SESN1: variants seen among roughly 807,000 people sequenced by gnomAD.
SESN1 encodes the protein sestrin-1.
SESN1 carries 30 observed loss-of-function variants against 59.3 expected under a neutral mutation model. That is an observed-to-expected ratio of 0.51 (90% CI 0.38 to 0.69). The LOEUF (loss-of-function observed/expected upper bound fraction) is 0.69. SESN1 is among the 30% of genes least tolerant of loss of function. The pLI is 0.00. For missense variants in SESN1, 566 were observed against 673.0 expected (o/e 0.84, Z 1.76); for synonymous variants, 197 against 219.9 (o/e 0.90, Z 0.92).
chr6:109,070,159 A>G (rs537114005), intron 1 of SESN1, among the ~76,000 whole-genome samples: 1 of 152,320 alleles, frequency 6.6e-6, no homozygotes, highest in South Asian at 2.1e-4. Flanking sequence ...TAGGAAGTGC[A>G]AAAGAGCATT....
intron 1 of SESN1, among the ~76,000 whole-genome samples, chr6:109,033,385 T>C (rs912221605): frequency 1.3e-5 from 2 of 152,220 alleles, no homozygotes; most frequent in African/African-American, 4.8e-5. Context: ...TCTAACTTTA[T>C]ACCCAAACAA....
intron 1 of SESN1, among the ~76,000 whole-genome samples, chr6:109,053,786 G>A (rs1019827851): frequency 6.6e-6 from 1 of 152,112 alleles, no homozygotes; most frequent in Non-Finnish European, 1.5e-5. Context: ...ACGAACACTC[G>A]CTCAGTTTTG....
Position 109,092,668 on chromosome 6 carries a change from A to T in SESN1, c.279+1127T>A, listed in dbSNP as rs148326615. Among the ~76,000 whole-genome samples, 32 of 152,342 alleles carry T rather than the reference A, an allele frequency of 2.1e-4. 1 individual carries two copies. In the East Asian group the frequency reaches 6.2e-3, roughly 29 times the overall value. On this transcript the variant is annotated intron_variant, in intron 1 of 9. Coordinates refer to ENST00000436639, the MANE Select transcript of SESN1 (RefSeq NM_014454.3). ...ATGCATAATGATGACCCCATTATGGACAAAAATGGTTGTTACAGTCACTAC... is the reference window on the plus strand; with the variant it reads ...ATGCATAATGATGACCCCATTATGGTCAAAAATGGTTGTTACAGTCACTAC...
chr6:109,039,509 TCA>T (rs1780305997), intron 1 of SESN1, among the ~76,000 whole-genome samples: 2 of 152,310 alleles, frequency 1.3e-5, no homozygotes, highest in African/African-American at 4.8e-5. Flanking sequence ...AATCTGCAAA[TCA>T]CAGAGCTGTC....
chr6:109,036,798 G>T (rs1780255958), intron 1 of SESN1, among the ~76,000 whole-genome samples: 1 of 152,064 alleles, frequency 6.6e-6, no homozygotes, highest in African/African-American at 2.4e-5. Context: ...CATTAGTAGA[G>T]TATCATATGT....
chr6:108,988,145 T>C (rs2128526592), intron 9 of SESN1, among the ~76,000 whole-genome samples: 1 of 152,332 alleles, frequency 6.6e-6, no homozygotes, highest in South Asian at 2.1e-4. Context: ...ATCATGTTTC[T>C]TGGAGGTTTG....
At chr6:109,022,306 T>A (rs1780024236) in intron 1 of SESN1, among the ~76,000 whole-genome samples, 1 of 152,126 alleles carries the variant, frequency 6.6e-6, no homozygotes, top group Non-Finnish European at 1.5e-5. Context: ...ACTCAGATTT[T>A]TAATCTAAGA....
In SESN1 at chr6:108,987,561, T is replaced by C. The variant is rs1442130633; in HGVS notation, c.1639A>G (p.Thr547Ala). Residue 547 changes from threonine (T) to alanine (A), a missense_variant, in exon 10 of 10, where the codon ACC (threonine) becomes GCC (alanine). Coordinates refer to ENST00000436639, the MANE Select transcript of SESN1 (RefSeq NM_014454.3). The part of the protein sequence containing the change: ...AELLYALRAI[T>A]RYMT ...GAAAGGCATCAGGTCATATAGCGGG[T>C]AATGGCTCTCAGAGCATAAAGGAGT... is the stretch of plus-strand genomic sequence containing the variant. The C allele has an allele frequency of 6.3e-7, 1 of 1,596,464 alleles. No individual in the cohort carries two copies. Among genetic ancestry groups the C allele is most frequent in the Non-Finnish European group, 8.6e-7 (1 of 1,164,676 alleles).
chr6:109,082,986 C>T (rs1187686621), intron 1 of SESN1, among the ~76,000 whole-genome samples: 5 of 152,126 alleles, frequency 3.3e-5, no homozygotes, highest in African/African-American at 1.2e-4. Context: ...ATGCTTTACA[C>T]GTTCAAATAA....
intron 1 of SESN1, among the ~76,000 whole-genome samples, chr6:109,068,552 T>C (rs1259272803): frequency 1.3e-5 from 2 of 151,842 alleles, no homozygotes; most frequent in Non-Finnish European, 2.9e-5. Flanking sequence ...AAGATGAAGG[T>C]CTAACACTTA....
At chr6:109,076,595 A>C (rs533413144) in intron 1 of SESN1, among the ~76,000 whole-genome samples, 2 of 152,284 alleles carry the variant, frequency 1.3e-5, no homozygotes, top group African/African-American at 4.8e-5. Flanking sequence ...CAAGGAAGAT[A>C]AAAGGGGGCC....
chr6:109,058,067 T>A (rs1780665527), intron 1 of SESN1, among the ~76,000 whole-genome samples: 1 of 151,968 alleles, frequency 6.6e-6, no homozygotes, highest in South Asian at 2.1e-4. Flanking sequence ...CTTTCCTATG[T>A]TTAGATATAT....
At chr6:109,009,513 G>T (rs921254400) in intron 1 of SESN1, 12 of 1,198,882 alleles carry the variant, frequency 1.0e-5, no homozygotes, top group African/African-American at 3.2e-5. Flanking sequence ...CTGGGCAGCC[G>T]GCCGCGGCTC....
chr6:108,998,631 T>C lies in SESN1; in HGVS notation c.854A>G (p.His285Arg). The C allele has an allele frequency of 6.2e-7, 1 of 1,613,948 alleles. No homozygotes were observed. The highest frequency in any genetic ancestry group is 8.5e-7 in the Non-Finnish European group (1 of 1,179,844). The change falls in exon 5 of 10, where the codon CAT becomes CGT. Residue 285 changes from histidine to arginine, a missense_variant. Transcript: ENST00000436639. ...TCTGAATGTGTGGCCACCATCACAA[T>C]GAATTTCTGGACTGATTCCACAGCC... Reference protein sequence around the residue: ...TFGCGISPEIHCDGGHTFRPP... With the variant: ...TFGCGISPEIRCDGGHTFRPP...
At chr6:109,048,501 G>C (rs1780488709) in intron 1 of SESN1, among the ~76,000 whole-genome samples, 1 of 152,164 alleles carries the variant, frequency 6.6e-6, no homozygotes, top group Non-Finnish European at 1.5e-5. Flanking sequence ...TAGCCTCTCT[G>C]TTTAACACAA....
Position 108,998,710 on chromosome 6 carries a change from C to T in SESN1, c.775G>A (p.Val259Ile). The T allele has an allele frequency of 6.2e-7, 1 of 1,613,666 alleles. No homozygotes were observed. The highest frequency in any genetic ancestry group is 8.5e-7 in the Non-Finnish European group (1 of 1,179,730). The change falls in exon 5 of 10, where the codon GTA (valine) becomes ATA (isoleucine). Residue 259 changes from valine to isoleucine, a missense_variant. Coordinates refer to ENST00000436639, the MANE Select transcript of SESN1 (RefSeq NM_014454.3). ...EEHSWSLAEL[V>I]HAVVLLTHYH... Reference sequence around the variant, plus strand: ...TGTGTGAGTAAAACTACTGCATGTACCAATTCCGCAAGGGACCAGCTGTGC... The same window carrying T: ...TGTGTGAGTAAAACTACTGCATGTATCAATTCCGCAAGGGACCAGCTGTGC...
chr6:109,050,384 T>C (rs1033560922), intron 1 of SESN1, among the ~76,000 whole-genome samples: 1 of 140,170 alleles, frequency 7.1e-6, no homozygotes, highest in Non-Finnish European at 1.5e-5. Context: ...ATTGTTTAAA[T>C]TGTTAAAAAA....
chr6:109,020,034 C>T (rs1465499741), intron 1 of SESN1, among the ~76,000 whole-genome samples: 1 of 152,148 alleles, frequency 6.6e-6, no homozygotes, highest in Non-Finnish European at 1.5e-5. Context: ...TCAAAAGCAG[C>T]AGGATGCAGT....
At chr6:109,039,484 G>T (rs560519719) in intron 1 of SESN1, among the ~76,000 whole-genome samples, 1 of 152,244 alleles carries the variant, frequency 6.6e-6, no homozygotes, top group African/African-American at 2.4e-5. Flanking sequence ...AGACAACTTG[G>T]AGGCAAGAAC....
Sources: allele counts gnomAD v4.1 joint callset (sites outside exome capture counted in the v4.1 genomes callset), GRCh38; gene constraint gnomAD v4.1.1; transcripts MANE v1.5; gene names NCBI Gene and HGNC (gene_info 2026-07-23, HGNC 2026-07-21).